ZBTB7C: variants seen among roughly 807,000 people sequenced by gnomAD.
ZBTB7C encodes the protein zinc finger and BTB domain-containing protein 7C.
A neutral mutation model predicts 25.7 loss-of-function variants in ZBTB7C; 8 were observed. That is an observed-to-expected ratio of 0.31 (90% CI 0.18 to 0.56). The LOEUF is 0.56. ZBTB7C is among the 20% of genes least tolerant of loss of function. ZBTB7C has a pLI of 0.91. For synonymous variants in ZBTB7C, 394 were observed against 369.0 expected, an observed-to-expected ratio of 1.07 and a Z score of -0.78; for missense variants, 824 against 855.2, an observed-to-expected ratio of 0.96 and a Z score of 0.46.
chr18:48,347,277 G>A (rs1405900453), intron 1 of ZBTB7C, among the ~76,000 whole-genome samples: 2 of 135,514 alleles, frequency 1.5e-5, no homozygotes, highest in African/African-American at 5.5e-5. Flanking sequence ...TCAAGCTCCT[G>A]ACCTCAAGTG....
At chr18:48,194,641 G>A (rs1020379729) in intron 2 of ZBTB7C, among the ~76,000 whole-genome samples, 5 of 152,170 alleles carry the variant, frequency 3.3e-5, no homozygotes, top group African/African-American at 7.2e-5. Flanking sequence ...TAGCAACGCT[G>A]CAGAGGCAGG....
chr18:48,299,171 G>C (rs754994456), intron 2 of ZBTB7C, among the ~76,000 whole-genome samples: 13 of 152,178 alleles, frequency 8.5e-5, no homozygotes, highest in Non-Finnish European at 1.8e-4. Flanking sequence ...GGAGAGGCCT[G>C]GAGGAGAGGG....
At chr18:48,224,606 C>A (rs926377467) in intron 2 of ZBTB7C, among the ~76,000 whole-genome samples, 12 of 152,254 alleles carry the variant, frequency 7.9e-5, no homozygotes. Flanking sequence ...GAACTCTGTT[C>A]CAGTACTGGG....
At position 48,271,053 on chromosome 18, in the gene ZBTB7C, A is replaced by G. The variant is rs550582508; in HGVS notation, c.-79+67121T>C. ...ATCATAACTTTCTCAAGAAGAAATA[A>G]AAACCTGCATACATTAGTAACCACA... On this transcript the variant is annotated intron_variant, in intron 2 of 4. Coordinates refer to ENST00000590800, the MANE Select transcript of ZBTB7C (RefSeq NM_001318841.2). 1.7e-3 allele frequency among the ~76,000 whole-genome samples: 256 copies of G among 152,344 alleles called. 15 individuals carry two copies. The highest frequency in any genetic ancestry group is 0.014 in the Middle Eastern group (4 of 294).
intron 2 of ZBTB7C, among the ~76,000 whole-genome samples, chr18:48,188,055 C>T (rs1198583842): frequency 6.6e-6 from 1 of 152,180 alleles, no homozygotes; most frequent in Non-Finnish European, 1.5e-5. Context: ...GCACAGCATA[C>T]ACCTCCACAC....
intron 3 of ZBTB7C, among the ~76,000 whole-genome samples, chr18:48,151,875 G>A (rs1414161159): frequency 2.6e-5 from 4 of 152,174 alleles, no homozygotes; most frequent in Non-Finnish European, 5.9e-5. Flanking sequence ...TCAGTCAGAT[G>A]TCATTCCATA....
intron 3 of ZBTB7C, among the ~76,000 whole-genome samples, chr18:48,089,014 G>A (rs922232872): frequency 2.6e-5 from 4 of 152,104 alleles, no homozygotes; most frequent in African/African-American, 7.2e-5. Context: ...AGCTTACCTG[G>A]TGGCAGTGTG....
chr18:48,164,388 C>T (rs181111741), intron 3 of ZBTB7C, among the ~76,000 whole-genome samples: 1 of 152,152 alleles, frequency 6.6e-6, no homozygotes, highest in Non-Finnish European at 1.5e-5. Flanking sequence ...TTTGTTCATG[C>T]TCTTTTGGCA....
At position 48,256,945 on chromosome 18, in the gene ZBTB7C, T is replaced by C. The variant is rs1171129810; in HGVS notation, c.-78-70950A>G. 4.0e-5 allele frequency among the ~76,000 whole-genome samples: 6 copies of C among 151,264 alleles called. No homozygotes were observed. In the East Asian group the frequency reaches 7.7e-4, roughly 19 times the overall value. ...AAGGAAGGCATAAAAAGAGGAAAAA[T>C]TGAACAAATAAGAGGTGAGATGAAT... is the stretch of plus-strand genomic sequence containing the variant. On this transcript the variant is annotated intron_variant, in intron 2 of 4. Coordinates refer to ENST00000590800, the MANE Select transcript of ZBTB7C (RefSeq NM_001318841.2).
chr18:48,193,941 G>T (rs1188477204), intron 2 of ZBTB7C, among the ~76,000 whole-genome samples: 1 of 152,262 alleles, frequency 6.6e-6, no homozygotes, highest in Non-Finnish European at 1.5e-5. Context: ...CAGAGGGAGT[G>T]GGGGAGGTTG....
intron 2 of ZBTB7C, among the ~76,000 whole-genome samples, chr18:48,330,562 T>TATGATG (rs773837031): frequency 6.6e-6 from 1 of 151,750 alleles, no homozygotes; most frequent in East Asian, 1.9e-4. Flanking sequence ...TAAAAAGTGA[T>TATGATG]ATGATGATGA....
chr18:48,053,970 G>T (rs555856549), intron 3 of ZBTB7C, among the ~76,000 whole-genome samples: 25 of 152,350 alleles, frequency 1.6e-4, no homozygotes, highest in African/African-American at 6.0e-4. Context: ...TAGCTTGTGC[G>T]AAGGCATGCG....
In ZBTB7C at chr18:48,358,386, C is replaced by T. The variant is rs1184176596; in HGVS notation, c.-303-19988G>A. On this transcript the variant is annotated intron_variant, in intron 1 of 4. Coordinates refer to ENST00000590800, the MANE Select transcript of ZBTB7C (RefSeq NM_001318841.2). ...AAGAAAAAGTATGTGACACCTCTGC[C>T]CTGTCTCTCTTGCTCCCACTCTCAC... is the stretch of plus-strand genomic sequence containing the variant. Among the ~76,000 whole-genome samples, 4 of 152,030 alleles carry T rather than the reference C, an allele frequency of 2.6e-5. No individual in the cohort carries two copies. The South Asian group carries it at 6.2e-4, about 24-fold the overall frequency.
chr18:48,185,133 C>A (rs2042024834), intron 3 of ZBTB7C, among the ~76,000 whole-genome samples: 1 of 152,122 alleles, frequency 6.6e-6, no homozygotes. Flanking sequence ...CATCTTCTCC[C>A]CTCCCACCCT....
At chr18:48,054,488 GC>G (rs1317298306) in intron 3 of ZBTB7C, among the ~76,000 whole-genome samples, 1 of 152,082 alleles carries the variant, frequency 6.6e-6, no homozygotes, top group African/African-American at 2.4e-5. Context: ...TCCTGGTTAT[GC>G]CTCAGCCCTC....
chr18:48,063,561 A>C (rs539968604), intron 3 of ZBTB7C, among the ~76,000 whole-genome samples: 1 of 152,354 alleles, frequency 6.6e-6, no homozygotes, highest in African/African-American at 2.4e-5. Context: ...GAGGAAAGGG[A>C]AGCAGGGAAA....
intron 2 of ZBTB7C, among the ~76,000 whole-genome samples, chr18:48,291,198 C>T (rs887561632): frequency 2.6e-5 from 4 of 152,186 alleles, no homozygotes; most frequent in African/African-American, 9.7e-5. Context: ...CAGCCTTTAG[C>T]CATGAAGCAG....
chr18:48,185,775 T>A (rs1204053397), intron 3 of ZBTB7C, among the ~76,000 whole-genome samples, 159 bp downstream of exon 3: 1 of 152,122 alleles, frequency 6.6e-6, no homozygotes, highest in Non-Finnish European at 1.5e-5. Context: ...GTGCCTTACA[T>A]TCCTGGGTTC....
At chr18:48,343,171 G>A (rs544963741) in intron 1 of ZBTB7C, among the ~76,000 whole-genome samples, 21 of 152,166 alleles carry the variant, frequency 1.4e-4, no homozygotes, top group East Asian at 9.7e-4. Context: ...AAAATGATGC[G>A]GTTAGATTAA....
Sources: gnomAD v4.1 joint callset for allele counts (sites outside exome capture counted in the v4.1 genomes callset) on GRCh38, gnomAD v4.1.1 for gene constraint, MANE v1.5 for transcripts, NCBI Gene and HGNC (gene_info 2026-07-23, HGNC 2026-07-21) for gene names.